HMGB1: variants seen among roughly 807,000 people sequenced by gnomAD.
HMGB1 encodes the protein high mobility group protein B1.
For missense variants in HMGB1, 79 were observed against 253.5 expected (o/e 0.31, Z 4.67); for synonymous variants, 81 against 84.0 (o/e 0.96, Z 0.19).
In HMGB1 at chr13:30,459,383, C is replaced by A. The variant is rs1886160185; in HGVS notation, c.*1974G>T. 1 of 152,152 alleles carries A rather than the reference C, an allele frequency of 6.6e-6. No individual in the cohort carries two copies. Among genetic ancestry groups the A allele is most frequent in the African/African-American group, 2.4e-5 (1 of 41,442 alleles). 9.4% of individuals were successfully genotyped at this position (152,152 alleles called of 1,614,324 possible). A position where few individuals can be genotyped will look rare whatever the true frequency, so the allele number is the denominator to read the frequency against. ...AATGGTAGTTGTCATGACGTACCTA[C>A]TAAAGTTACAAATTCTCCTTGAGCC... On this transcript the variant is annotated 3_prime_UTR_variant, in exon 5 of 5. Transcript: ENST00000341423.
In HMGB1 at chr13:30,540,582, CTTT is replaced by C. The variant is rs373841770; in HGVS notation, c.-15+76086_-15+76088del. 7.7e-3 allele frequency: 1,021 copies of C among 132,590 alleles called. 14 individuals carry two copies. The highest frequency in any genetic ancestry group is 0.025 in the African/African-American group (870 of 34,552). 8.2% of individuals were successfully genotyped at this position (132,590 alleles called of 1,614,324 possible). Reference sequence around the variant, plus strand: ...TACTGCAAATTTGGCACACTTTAGTCTTTTTTTTTTTTTTTTTTGAGATGGAGT... The same window carrying C: ...TACTGCAAATTTGGCACACTTTAGTCTTTTTTTTTTTTTTTGAGATGGAGT... On this transcript the variant is annotated intron_variant, in intron 1 of 4. Coordinates refer to the HMGB1 transcript ENST00000405805.
intron 1 of HMGB1, among the ~76,000 whole-genome samples, chr13:30,474,484 G>T (rs1030560675): frequency 3.9e-5 from 6 of 152,174 alleles, no homozygotes; most frequent in Non-Finnish European, 7.4e-5. Context: ...GGCTTTTCTG[G>T]AGAGCCGGGG....
At chr13:30,499,349 A>G (rs1444265547) in intron 1 of HMGB1, among the ~76,000 whole-genome samples, 1 of 152,176 alleles carries the variant, frequency 6.6e-6, no homozygotes, top group Non-Finnish European at 1.5e-5. Context: ...CAACTGAATG[A>G]TAGGTGTGCT....
intron 1 of HMGB1, among the ~76,000 whole-genome samples, chr13:30,592,048 G>A (rs1413350406): frequency 2.0e-5 from 3 of 151,902 alleles, no homozygotes; most frequent in African/African-American, 7.3e-5. Flanking sequence ...AAGGAAAATT[G>A]TCAAAATTAG....
At chr13:30,464,530 C>A in intron 1 of HMGB1, 12 of 984,690 alleles carry the variant, frequency 1.2e-5, no homozygotes, top group Middle Eastern at 5.2e-4. Flanking sequence ...GGACGCGGCC[C>A]GGCTCCCAGG....
chr13:30,507,855 G>A (rs887262654), intron 1 of HMGB1, among the ~76,000 whole-genome samples: 1 of 152,078 alleles, frequency 6.6e-6, no homozygotes, highest in African/African-American at 2.4e-5. Flanking sequence ...AATTAGCCAG[G>A]TGTGGTGGTG....
chr13:30,464,722 C>T (rs1886620569), intron 1 of HMGB1: 1 of 809,786 alleles, frequency 1.2e-6, no homozygotes, highest in African/African-American at 1.9e-5. Flanking sequence ...CCGCCGCCGC[C>T]GCGAGGGCGA....
rs1381481919 is a variant in HMGB1 at position 30,597,841 on chromosome 13, C to T, written c.-15+18830G>A. 2.0e-5 allele frequency among the ~76,000 whole-genome samples: 3 copies of T among 152,282 alleles called. No homozygotes were observed. In the East Asian group the frequency reaches 5.8e-4, roughly 29 times the overall value. ...CCTCAGGTCACATTTGACTCATAGC[C>T]TGACCCCTGGTGTGTAGGGTTAACA... On this transcript the variant is annotated intron_variant, in intron 1 of 4. Coordinates refer to the HMGB1 transcript ENST00000405805.
At chr13:30,569,227 T>G (rs956388282) in intron 1 of HMGB1, among the ~76,000 whole-genome samples, 2 of 152,172 alleles carry the variant, frequency 1.3e-5, no homozygotes, top group Non-Finnish European at 2.9e-5. Flanking sequence ...TAGTTCTGCA[T>G]TAAGCAACAC....
At chr13:30,475,069 C>T (rs1192264011) in intron 1 of HMGB1, among the ~76,000 whole-genome samples, 2 of 87,166 alleles carry the variant, frequency 2.3e-5, no homozygotes, top group Admixed American at 1.7e-4. Context: ...TTGAGACAGT[C>T]TCGCTCTGTC....
chr13:30,611,080 G>A (rs539425740), intron 1 of HMGB1, among the ~76,000 whole-genome samples: 7 of 152,274 alleles, frequency 4.6e-5, no homozygotes, highest in East Asian at 1.9e-4. Flanking sequence ...GTGATTTTAC[G>A]GTCATCCTCA....
intron 1 of HMGB1, among the ~76,000 whole-genome samples, chr13:30,583,260 T>A (rs1870983361): frequency 6.6e-6 from 1 of 152,070 alleles, no homozygotes; most frequent in Non-Finnish European, 1.5e-5. Flanking sequence ...TGGCCAGGTG[T>A]GATGGTTCAT....
chr13:30,562,927 A>T (rs1453905798), intron 1 of HMGB1, among the ~76,000 whole-genome samples: 1 of 152,270 alleles, frequency 6.6e-6, no homozygotes, highest in African/African-American at 2.4e-5. Flanking sequence ...ATAAAGGATT[A>T]GCACTAAGAA....
Position 30,461,492 on chromosome 13 carries a change from T to G in HMGB1, c.513A>C (p.Ala171=), listed in dbSNP as rs372593407. The change falls in exon 5 of 5, where the codon GCA becomes GCC. Residue 171 remains alanine (A), a synonymous_variant. Coordinates refer to ENST00000341423, the MANE Select transcript of HMGB1 (RefSeq NM_002128.7). The part of the protein sequence containing the change: ...AYRAKGKPDA[A]KKGVVKAEKS... Reference sequence around the variant, plus strand: ...TTTCAGCCTTGACAACTCCCTTTTTTGCTGCATCAGGCTTTCCTTTAGCTC... The same window carrying G: ...TTTCAGCCTTGACAACTCCCTTTTTGGCTGCATCAGGCTTTCCTTTAGCTC... 4.5e-6 allele frequency: 7 copies of G among 1,565,572 alleles called. No individual in the cohort carries two copies. The South Asian group carries it at 8.1e-5, about 18-fold the overall frequency.
intron 1 of HMGB1, among the ~76,000 whole-genome samples, chr13:30,564,063 T>G (rs559569151): frequency 6.6e-6 from 1 of 152,284 alleles, no homozygotes; most frequent in African/African-American, 2.4e-5. Flanking sequence ...TTCATATTTT[T>G]TTGGAATCAA....
chr13:30,484,930 C>CA (rs1272345143), intron 1 of HMGB1, among the ~76,000 whole-genome samples: 1 of 151,932 alleles, frequency 6.6e-6, no homozygotes, highest in Non-Finnish European at 1.5e-5. Context: ...GATAAACAGC[C>CA]AAAGGACCTC....
intron 1 of HMGB1, among the ~76,000 whole-genome samples, chr13:30,607,147 A>C (rs1950467779): frequency 6.6e-6 from 1 of 152,146 alleles, no homozygotes; most frequent in Non-Finnish European, 1.5e-5. Context: ...TATCCTAATT[A>C]TTACCACTGC....
At chr13:30,477,524 C>G (rs1430084364) in intron 1 of HMGB1, among the ~76,000 whole-genome samples, 1 of 152,194 alleles carries the variant, frequency 6.6e-6, no homozygotes, top group Non-Finnish European at 1.5e-5. Flanking sequence ...GAAGCTTGTG[C>G]CAACACAGTG....
chr13:30,464,596 C>CCA, intron 1 of HMGB1: 1 of 984,362 alleles, frequency 1.0e-6, no homozygotes, highest in African/African-American at 1.7e-5. Context: ...GCCGCCGCCC[C>CCA]CATTTTGTCA....
Sources: allele counts gnomAD v4.1 joint callset (sites outside exome capture counted in the v4.1 genomes callset), GRCh38; gene constraint gnomAD v4.1.1; transcripts MANE v1.5; gene names NCBI Gene and HGNC (gene_info 2026-07-23, HGNC 2026-07-21).